FAM120A: variants seen among roughly 807,000 people sequenced by gnomAD.
FAM120A encodes the protein family with sequence similarity 120 member A.
A neutral mutation model predicts 109.7 loss-of-function variants in FAM120A; 15 were observed. The observed-to-expected ratio is 0.14, with a 90% CI of 0.09 to 0.21. The LOEUF (loss-of-function observed/expected upper bound fraction) is 0.21, where lower values mean the gene tolerates loss of function less well. Ranked by LOEUF, FAM120A falls within the 10% of genes least tolerant of loss-of-function variation. FAM120A has a pLI of 1.00. For missense variants in FAM120A, 899 were observed against 1,439.3 expected (o/e 0.62, Z 6.07); for synonymous variants, 493 against 572.8 (o/e 0.86, Z 1.99).
intron 10 of FAM120A, among the ~76,000 whole-genome samples, chr9:93,536,023 AAGG>A (rs1475053658): frequency 6.7e-6 from 1 of 150,012 alleles, no homozygotes; most frequent in East Asian, 2.0e-4. Context: ...TATTTGTACT[AAGG>A]AGAGTGCTAT....
At chr9:93,553,388 C>G (rs555160437) in intron 12 of FAM120A, among the ~76,000 whole-genome samples, 27 of 152,128 alleles carry the variant, frequency 1.8e-4, no homozygotes, top group African/African-American at 6.5e-4. Flanking sequence ...GCTTTAAAGA[C>G]AGTATTAGGG....
intron 7 of FAM120A, among the ~76,000 whole-genome samples, chr9:93,520,511 A>G (rs1860801293): frequency 6.6e-6 from 1 of 152,254 alleles, no homozygotes. Context: ...TCAAACATTT[A>G]TTTTTAAAAA....
intron 3 of FAM120A, among the ~76,000 whole-genome samples, chr9:93,491,964 T>C (rs1288329862): frequency 2.0e-5 from 3 of 152,230 alleles, no homozygotes; most frequent in Non-Finnish European, 4.4e-5. Flanking sequence ...TTTGTTTTTA[T>C]GAATAGGCAA....
At chr9:93,503,755 T>C (rs1564331223) in intron 5 of FAM120A, among the ~76,000 whole-genome samples, 1 of 152,114 alleles carries the variant, frequency 6.6e-6, no homozygotes, top group Non-Finnish European at 1.5e-5. Flanking sequence ...TTTGGCTCAT[T>C]GGTTGGAACA....
At chr9:93,543,945 G>C (rs1051663410) in intron 11 of FAM120A, among the ~76,000 whole-genome samples, 2 of 152,168 alleles carry the variant, frequency 1.3e-5, no homozygotes, top group African/African-American at 4.8e-5. Context: ...ACATCATAGA[G>C]TATATACAAA....
At chr9:93,503,116 A>G (rs1859877626) in intron 5 of FAM120A, among the ~76,000 whole-genome samples, 1 of 152,232 alleles carries the variant, frequency 6.6e-6, no homozygotes, top group African/African-American at 2.4e-5. Flanking sequence ...ACAACACTAA[A>G]TGCTGGTGAG....
intron 5 of FAM120A, among the ~76,000 whole-genome samples, chr9:93,513,444 G>A (rs1860425988): frequency 6.6e-6 from 1 of 152,100 alleles, no homozygotes; most frequent in African/African-American, 2.4e-5. Context: ...TGGACTTATC[G>A]GTCAGTTAGG....
At chr9:93,524,779 T>C (rs1009807956) in intron 7 of FAM120A, among the ~76,000 whole-genome samples, 2 of 152,154 alleles carry the variant, frequency 1.3e-5, no homozygotes, top group Non-Finnish European at 2.9e-5. Flanking sequence ...TAGAGATTTA[T>C]AGTGTGGAGG....
chr9:93,460,862 T>C (rs1857765647), intron 1 of FAM120A, among the ~76,000 whole-genome samples: 1 of 152,236 alleles, frequency 6.6e-6, no homozygotes, highest in African/African-American at 2.4e-5. Context: ...TGGTGTCAGC[T>C]TGGCCACCTG....
chr9:93,457,246 T>C (rs1019275870), intron 1 of FAM120A, among the ~76,000 whole-genome samples: 3 of 152,166 alleles, frequency 2.0e-5, no homozygotes, highest in African/African-American at 7.2e-5. Context: ...TCAGTTCTTT[T>C]GGGTATATAC....
chr9:93,478,932 C>T (rs748346763), intron 3 of FAM120A, among the ~76,000 whole-genome samples: 1 of 152,114 alleles, frequency 6.6e-6, no homozygotes, highest in Non-Finnish European at 1.5e-5. Flanking sequence ...CTATTTTAGT[C>T]TCTTTGTTTT....
Position 93,533,822 on chromosome 9 carries a change from G to A in FAM120A, c.1909+1493G>A, listed in dbSNP as rs1861421076. Among the ~76,000 whole-genome samples the A allele has an allele frequency of 3.3e-5, 5 of 152,264 alleles. 1 individual carries two copies. In the Middle Eastern group the frequency reaches 0.014, roughly 414 times the overall value. ...CAGCTCCTTTGTCCTCAGTTTCAGC[G>A]CACTGCAGTGGCTTCATGGTAGAAG... On this transcript the variant is annotated intron_variant, in intron 10 of 17. Coordinates refer to ENST00000277165, the MANE Select transcript of FAM120A (RefSeq NM_014612.5).
chr9:93,561,394 TTTTA>T (rs1243383092), intron 16 of FAM120A, 144 bp downstream of exon 16: 80 of 781,512 alleles, frequency 1.0e-4, no homozygotes, highest in Admixed American at 1.4e-4. Flanking sequence ...ATTATTTAGT[TTTTA>T]TTTATTTATT....
intron 5 of FAM120A, among the ~76,000 whole-genome samples, chr9:93,510,517 T>C (rs964389252): frequency 1.3e-5 from 2 of 152,224 alleles, no homozygotes; most frequent in African/African-American, 2.4e-5. Context: ...AGAGTTCTCT[T>C]TTAGGTTGTG....
intron 7 of FAM120A, among the ~76,000 whole-genome samples, chr9:93,520,369 T>C (rs1189409375): frequency 6.6e-6 from 1 of 152,140 alleles, no homozygotes; most frequent in African/African-American, 2.4e-5. Context: ...TCTCATCTCT[T>C]AAAGGTATAA....
rs1489916581 is a variant in FAM120A, at chr9:93,452,711, C to T, written c.474+322C>T. 2 of 1,598,486 alleles carry T rather than the reference C, an allele frequency of 1.3e-6. No homozygotes were observed. Among genetic ancestry groups the T allele is most frequent in the Admixed American group, 1.7e-5 (1 of 60,016 alleles). ...CCCAATATCCTTAGTTTTTCCCATC[C>T]TATTTGAGGCGGGCAGGCTATCACT... On this transcript the variant is annotated intron_variant, in intron 1 of 17. Coordinates refer to ENST00000277165, the MANE Select transcript of FAM120A (RefSeq NM_014612.5). The surrounding 1 kb of genome is among the most constrained non-coding windows in gnomAD (Gnocchi z 7.0).
chr9:93,493,830 A>G (rs961456851), intron 3 of FAM120A, among the ~76,000 whole-genome samples: 3 of 151,792 alleles, frequency 2.0e-5, no homozygotes, highest in Admixed American at 1.3e-4. Context: ...TTGGCTTCGC[A>G]GTCAGCCAGC....
intron 1 of FAM120A, chr9:93,453,675 G>A: frequency 1.0e-6 from 1 of 968,046 alleles, no homozygotes; most frequent in Non-Finnish European, 1.2e-6. Context: ...GTCCCGATTG[G>A]CCCCTGCGCC....
In FAM120A at chr9:93,546,419, G is replaced by C. The variant is rs559598137; in HGVS notation, c.2159+2948G>C. On this transcript the variant is annotated intron_variant, in intron 11 of 17. Transcript: ENST00000277165. ...GCTGCTGTTGCACTATAGGGGGCTA[G>C]GGTCACATCGTTTCAGCTTCGTGTT... Among the ~76,000 whole-genome samples the C allele has an allele frequency of 3.3e-5, 5 of 152,298 alleles. No homozygotes were observed. The East Asian group carries it at 9.7e-4, about 29-fold the overall frequency.
Sources: gnomAD v4.1 joint callset for allele counts (sites outside exome capture counted in the v4.1 genomes callset) on GRCh38, gnomAD v4.1.1 for gene constraint, Gnocchi (gnomAD v3.1) non-coding constraint, MANE v1.5 for transcripts, NCBI Gene and HGNC (gene_info 2026-07-23, HGNC 2026-07-21) for gene names.